The following FIG4 variants were observed in gnomAD, a reference collection of about 807,000 sequenced individuals.
The protein encoded by FIG4 is polyphosphoinositide phosphatase.
In FIG4, 112 loss-of-function variants were observed where a neutral mutation model predicts 118.6. That is an observed-to-expected ratio of 0.94 (90% CI 0.81 to 1.11). The LOEUF is 1.11. Ranked by LOEUF, FIG4 falls within the 50% of genes least tolerant of loss-of-function variation. The pLI, the probability that FIG4 is intolerant of heterozygous loss-of-function variation, is 0.00. For missense variants in FIG4, 969 were observed against 1,111.7 expected, an observed-to-expected ratio of 0.87 and a Z score of 1.83; for synonymous variants, 369 against 381.2, an observed-to-expected ratio of 0.97 and a Z score of 0.37.
At chr6:109,817,801 C>T (rs570869430) in intron 22 of FIG4, among the ~76,000 whole-genome samples, 4 of 152,114 alleles carry the variant, frequency 2.6e-5, no homozygotes, top group East Asian at 3.9e-4. Context: ...GGAGCTTGCT[C>T]CTGGTTAAAA....
intron 10 of FIG4, among the ~76,000 whole-genome samples, chr6:109,754,812 C>G (rs1354581703): frequency 6.6e-6 from 1 of 152,080 alleles, no homozygotes; most frequent in African/African-American, 2.4e-5. Context: ...TTTATTGCAT[C>G]TATTTGATTC....
intron 5 of FIG4, 54 bp from the exon 6 acceptor site, chr6:109,735,096 C>T: frequency 6.7e-7 from 1 of 1,501,916 alleles, no homozygotes; most frequent in Non-Finnish European, 9.3e-7. Flanking sequence ...GCGCCAAGAC[C>T]ATGAAATATG....
intron 2 of FIG4, among the ~76,000 whole-genome samples, chr6:109,715,993 C>A (rs1206532170): frequency 1.3e-5 from 2 of 152,150 alleles, no homozygotes; most frequent in African/African-American, 4.8e-5. Flanking sequence ...TGCTCCCCAC[C>A]TATCTGAGCA....
intron 22 of FIG4, among the ~76,000 whole-genome samples, chr6:109,819,802 T>G (rs1370790957): frequency 6.6e-6 from 1 of 152,208 alleles, no homozygotes; most frequent in African/African-American, 2.4e-5. Flanking sequence ...TACTGAGCAC[T>G]CAGGCACTAT....
intron 15 of FIG4, among the ~76,000 whole-genome samples, chr6:109,776,717 G>A (rs1181690970): frequency 6.6e-6 from 1 of 152,104 alleles, no homozygotes; most frequent in African/African-American, 2.4e-5. Context: ...TGAGAGGTAT[G>A]GAACAAAGAG....
chr6:109,772,307 C>T (rs945170562), intron 15 of FIG4, among the ~76,000 whole-genome samples: 1 of 152,116 alleles, frequency 6.6e-6, no homozygotes, highest in African/African-American at 2.4e-5. Context: ...TCTCTTTTTC[C>T]AGTTTTGTCC....
chr6:109,727,320 G>C, intron 4 of FIG4, 55 bp downstream of exon 4: 2 of 1,431,424 alleles, frequency 1.4e-6, no homozygotes, highest in Non-Finnish European at 2.0e-6. Flanking sequence ...TTGCCCTGTT[G>C]CCCAGGCTGG....
chr6:109,708,719 G>C (rs1175613333), intron 1 of FIG4, among the ~76,000 whole-genome samples: 1 of 152,164 alleles, frequency 6.6e-6, no homozygotes, highest in African/African-American at 2.4e-5. Flanking sequence ...CTAATAATCA[G>C]TGATGCAGAG....
intron 1 of FIG4, among the ~76,000 whole-genome samples, chr6:109,692,121 G>A (rs1310001955): frequency 6.6e-6 from 1 of 152,166 alleles, no homozygotes; most frequent in African/African-American, 2.4e-5. Context: ...GAATGGCCAT[G>A]TAAATAGTGA....
chr6:109,716,566 T>C lies in FIG4; in HGVS notation c.287T>C (p.Val96Ala). 6.2e-7 allele frequency: 1 copy of C among 1,613,816 alleles called. No individual in the cohort carries two copies. The highest frequency in any genetic ancestry group is 8.5e-7 in the Non-Finnish European group (1 of 1,179,738). ...CGAGCGGTTTCAGCTTTTGGTGTTG[T>C]GGGTAAGAAATCTGCCCCCCTTCTT... ...LFRAVSAFGV[V>A]GFVRFLEGYY... Residue 96 changes from valine to alanine, a missense_variant and splice_region_variant, in exon 3 of 23, where the codon GTG becomes GCG. Transcript: ENST00000230124.
intron 12 of FIG4, 44 bp from the exon 13 acceptor site, chr6:109,763,893 A>T (rs1310527785): frequency 7.9e-7 from 1 of 1,259,926 alleles, no homozygotes. Flanking sequence ...ATAAATATGT[A>T]TTCTGCCATT....
intron 15 of FIG4, among the ~76,000 whole-genome samples, chr6:109,772,739 C>T (rs1431422804): frequency 2.0e-5 from 3 of 152,152 alleles, no homozygotes; most frequent in African/African-American, 7.2e-5. Flanking sequence ...AGGTGTGAGC[C>T]ACCATGCCTG....
chr6:109,760,046 A>G (rs766573732), intron 10 of FIG4, among the ~76,000 whole-genome samples: 31 of 152,236 alleles, frequency 2.0e-4, no homozygotes, highest in Admixed American at 1.0e-3. Context: ...GAATCTTCAA[A>G]GTTCATTAGC....
chr6:109,768,530 C>G (rs1355547267), intron 15 of FIG4, among the ~76,000 whole-genome samples: 1 of 152,112 alleles, frequency 6.6e-6, no homozygotes, highest in Non-Finnish European at 1.5e-5. Flanking sequence ...GAAATTTATG[C>G]ACAACTTAAC....
At chr6:109,799,420 T>C (rs1778372580) in intron 22 of FIG4, among the ~76,000 whole-genome samples, 1 of 152,212 alleles carries the variant, frequency 6.6e-6, no homozygotes, top group Admixed American at 6.5e-5. Context: ...GAAACTGTAG[T>C]CAGGTTCTTA....
chr6:109,796,853 T>A lies in FIG4; in HGVS notation c.2546+2T>A. The A allele has an allele frequency of 2.0e-6, 3 of 1,526,680 alleles. No homozygotes were observed. The highest frequency in any genetic ancestry group is 2.7e-6 in the Non-Finnish European group (3 of 1,100,146). The allele number at this position is 1,526,680 out of a possible 1,614,324, so 94.6% of individuals were successfully genotyped here. On this transcript the variant is annotated splice_donor_variant, in intron 22 of 22. Coordinates refer to ENST00000230124, the MANE Select transcript of FIG4 (RefSeq NM_014845.6). LOFTEE classifies it high-confidence loss of function. ...GTGCTCAGATGGAGTTATAAAACTG[T>A]AAGTACTAGATTAGATCTTTAAAGA...
chr6:109,781,565 G>A (rs1412175750), intron 16 of FIG4, among the ~76,000 whole-genome samples: 1 of 151,580 alleles, frequency 6.6e-6, no homozygotes, highest in Non-Finnish European at 1.5e-5. Flanking sequence ...TAAGCATAAG[G>A]TCACACCAGC....
chr6:109,770,719 T>C (rs963667890), intron 15 of FIG4, among the ~76,000 whole-genome samples: 44 of 152,210 alleles, frequency 2.9e-4, no homozygotes, highest in African/African-American at 1.0e-3. Context: ...CACACACTTT[T>C]AAACAACCAG....
At chr6:109,789,453 C>A in intron 18 of FIG4, 141 bp from the exon 19 acceptor site, 2 of 692,838 alleles carry the variant, frequency 2.9e-6, no homozygotes, top group South Asian at 3.1e-5. Context: ...GTTTTATGTC[C>A]CTGACAAGTT....
Sources: gnomAD v4.1 joint callset for allele counts (sites outside exome capture counted in the v4.1 genomes callset) on GRCh38, gnomAD v4.1.1 for gene constraint, MANE v1.5 for transcripts, NCBI Gene and HGNC (gene_info 2026-07-23, HGNC 2026-07-21) for gene names.